Variants in MYOZ2 observed in about 807,000 individuals in gnomAD.
The protein encoded by MYOZ2 is myozenin-2.
MYOZ2 carries 19 observed loss-of-function variants against 25.4 expected under a neutral mutation model. The ratio of observed to expected loss-of-function variants is 0.75; its 90% CI spans 0.52 to 1.10. The LOEUF is 1.10. Ranked by LOEUF, MYOZ2 falls within the 50% of genes least tolerant of loss-of-function variation. The probability of loss-of-function intolerance (pLI) is 0.00; values close to 1 mark genes in which losing one functional copy is unlikely to be tolerated. For missense variants in MYOZ2, 270 were observed against 317.9 expected (o/e 0.85, Z 1.15); for synonymous variants, 92 against 106.9 (o/e 0.86, Z 0.86).
chr4:119,184,306 T>G (rs1005343903), intron 5 of MYOZ2, among the ~76,000 whole-genome samples: 8 of 152,172 alleles, frequency 5.3e-5, no homozygotes, highest in Admixed American at 4.6e-4. Context: ...TGCCCCACCC[T>G]CACCTGCTAG....
intron 5 of MYOZ2, among the ~76,000 whole-genome samples, chr4:119,181,405 T>C (rs905122735): frequency 6.6e-6 from 1 of 152,210 alleles, no homozygotes; most frequent in Non-Finnish European, 1.5e-5. Flanking sequence ...TAGTTTATTT[T>C]ACTTTTCATC....
intron 3 of MYOZ2, among the ~76,000 whole-genome samples, chr4:119,153,406 A>G (rs1741500245): frequency 6.6e-6 from 1 of 152,146 alleles, no homozygotes; most frequent in Non-Finnish European, 1.5e-5. Context: ...AAGCTCAAAG[A>G]TAAATAAATA....
intron 4 of MYOZ2, among the ~76,000 whole-genome samples, chr4:119,159,774 A>G (rs1353580601): frequency 6.6e-6 from 1 of 152,196 alleles, no homozygotes; most frequent in Non-Finnish European, 1.5e-5. Flanking sequence ...GTACAACATT[A>G]AATATTATTT....
chr4:119,164,217 C>T lies in MYOZ2; in HGVS notation c.383C>T (p.Ser128Phe), dbSNP rs1051918078. 5 of 1,613,666 alleles carry T rather than the reference C, an allele frequency of 3.1e-6. No individual in the cohort carries two copies. In the African/African-American group the frequency reaches 6.7e-5, roughly 22 times the overall value. The change falls in exon 5 of 6, where the codon TCT becomes TTT. Residue 128 changes from serine to phenylalanine, a missense_variant. Transcript: ENST00000307128. Reference protein sequence around the residue: ...PNPDNIAPGYSGPLKEIPPEK... With the variant: ...PNPDNIAPGYFGPLKEIPPEK... ...TTGCTATATTTTTCCAAAGGATATTCTGGACCACTGAAGGAAATTCCTCCT... is the reference window on the plus strand; with the variant it reads ...TTGCTATATTTTTCCAAAGGATATTTTGGACCACTGAAGGAAATTCCTCCT...
rs1014228561 is a variant in MYOZ2, at chr4:119,153,065, T to A, written c.246+2024T>A. On this transcript the variant is annotated intron_variant, in intron 3 of 5. Transcript: ENST00000307128. The stretch of plus-strand genomic sequence containing the variant: ...GTGTTAACTCAAAAAGCGTTGCCTT[T>A]TTTTTTTTTTTGCCTTTCTGAATTT... Among the ~76,000 whole-genome samples the A allele has an allele frequency of 2.8e-4, 42 of 150,518 alleles. 1 individual carries two copies. Among genetic ancestry groups the A allele is most frequent in the Middle Eastern group, 3.4e-3 (1 of 292 alleles).
At chr4:119,156,361 T>C (rs1287989847) in intron 3 of MYOZ2, among the ~76,000 whole-genome samples, 1 of 151,376 alleles carries the variant, frequency 6.6e-6, no homozygotes, top group Non-Finnish European at 1.5e-5. Flanking sequence ...TATAAGTGGT[T>C]TGGTTTTAAG....
At chr4:119,138,713 T>G (rs1232745238) in intron 2 of MYOZ2, among the ~76,000 whole-genome samples, 1 of 152,214 alleles carries the variant, frequency 6.6e-6, no homozygotes, top group Non-Finnish European at 1.5e-5. Flanking sequence ...TTTCCCCTTG[T>G]GCATCAGAAT....
chr4:119,163,637 T>C (rs900643234), intron 4 of MYOZ2, among the ~76,000 whole-genome samples: 11 of 152,124 alleles, frequency 7.2e-5, no homozygotes, highest in Admixed American at 2.0e-4. Flanking sequence ...GATGGGTACA[T>C]TGGGAGATAA....
chr4:119,145,506 CTGTGTGTGTGTGTGTGTGTGTGTG>C (rs200111377), intron 2 of MYOZ2, among the ~76,000 whole-genome samples: 1 of 128,198 alleles, frequency 7.8e-6, no homozygotes, highest in African/African-American at 2.9e-5. Flanking sequence ...CCAGCTAAAA[CTGTGTGTGTGTGTGTGTGTGTGTG>C]TGTGTGTGTG....
chr4:119,151,479 C>T (rs1206703910), intron 3 of MYOZ2, among the ~76,000 whole-genome samples: 2 of 152,140 alleles, frequency 1.3e-5, no homozygotes, highest in Non-Finnish European at 2.9e-5. Context: ...CAGACACATT[C>T]AATGCCCTCT....
At chr4:119,175,529 G>A (rs1486577526) in intron 5 of MYOZ2, among the ~76,000 whole-genome samples, 1 of 151,996 alleles carries the variant, frequency 6.6e-6, no homozygotes, top group Non-Finnish European at 1.5e-5. Flanking sequence ...GGGAGGCTGG[G>A]GCGGGTGGGG....
chr4:119,176,239 T>A (rs78341505), intron 5 of MYOZ2, among the ~76,000 whole-genome samples: 20 of 147,538 alleles, frequency 1.4e-4, no homozygotes, highest in East Asian at 7.9e-4. Context: ...CTTTTTTTTT[T>A]AAAACAGTCT....
chr4:119,136,399 C>T (rs767087022), intron 1 of MYOZ2, 113 bp from the exon 2 acceptor site: 10 of 929,136 alleles, frequency 1.1e-5, no homozygotes, highest in Middle Eastern at 2.6e-4. Context: ...CAGTAGCAAG[C>T]GATAATAACT....
intron 2 of MYOZ2, among the ~76,000 whole-genome samples, chr4:119,140,017 G>A (rs1367538938): frequency 6.6e-6 from 1 of 152,124 alleles, no homozygotes; most frequent in East Asian, 1.9e-4. Context: ...TAAATGGAGT[G>A]CTGTTGTTAA....
intron 4 of MYOZ2, among the ~76,000 whole-genome samples, chr4:119,159,375 C>T (rs532289703): frequency 2.0e-5 from 3 of 152,222 alleles, no homozygotes; most frequent in East Asian, 3.9e-4. Context: ...TTTCTCTGTT[C>T]CCTCAAAGGA....
chr4:119,171,616 C>A (rs1741948352), intron 5 of MYOZ2, among the ~76,000 whole-genome samples: 1 of 151,226 alleles, frequency 6.6e-6, no homozygotes, highest in Admixed American at 6.6e-5. Flanking sequence ...TGTAGGTTAA[C>A]ATGATTTTAT....
chr4:119,158,025 A>C lies in MYOZ2; in HGVS notation c.250A>C (p.Ser84Arg). 6.2e-7 allele frequency: 1 copy of C among 1,614,060 alleles called. No individual in the cohort carries two copies. The highest frequency in any genetic ancestry group is 8.5e-7 in the Non-Finnish European group (1 of 1,179,944). ...QYQSRAQINH[S>R]IAMQNGKVDG... Reference sequence around the variant, plus strand: ...GTTTACTTTTGATTAAATACAGCACAGTATTGCTATGCAGAATGGGAAAGT... The same window carrying C: ...GTTTACTTTTGATTAAATACAGCACCGTATTGCTATGCAGAATGGGAAAGT... Residue 84 changes from serine to arginine, a missense_variant, in exon 4 of 6, where the codon AGT becomes CGT. Coordinates refer to ENST00000307128, the MANE Select transcript of MYOZ2 (RefSeq NM_016599.5).
Position 119,150,992 on chromosome 4 carries a change from A to T in MYOZ2, c.197A>T (p.Asp66Val). Residue 66 changes from aspartate to valine, a missense_variant, in exon 3 of 6, where the codon GAC becomes GTC. Physicochemically the swap from Asp to Val is radical, Grantham distance 152. Transcript: ENST00000307128. Reference sequence around the variant, plus strand: ...TTTAAGATGCGTCAAAGAAGATCTGACAAATACACATTTGAAAATTTCCAG... The same window carrying T: ...TTTAAGATGCGTCAAAGAAGATCTGTCAAATACACATTTGAAAATTTCCAG... ...RLFKMRQRRS[D>V]KYTFENFQYQ... 1 of 1,613,644 alleles carries T rather than the reference A, an allele frequency of 6.2e-7. No individual in the cohort carries two copies. Among genetic ancestry groups the T allele is most frequent in the Non-Finnish European group, 8.5e-7 (1 of 1,179,552 alleles).
chr4:119,175,531 C>T (rs1008769316), intron 5 of MYOZ2, among the ~76,000 whole-genome samples: 25 of 151,946 alleles, frequency 1.6e-4, no homozygotes, highest in Non-Finnish European at 3.5e-4. Flanking sequence ...GAGGCTGGGG[C>T]GGGTGGGGTT....
Sources: gnomAD v4.1 joint callset for allele counts (sites outside exome capture counted in the v4.1 genomes callset) on GRCh38, gnomAD v4.1.1 for gene constraint, MANE v1.5 for transcripts, NCBI Gene and HGNC (gene_info 2026-07-23, HGNC 2026-07-21) for gene names.